Variants in FAM222B observed in about 807,000 individuals in gnomAD.
FAM222B encodes family with sequence similarity 222 member B.
In FAM222B, 12 loss-of-function variants were observed where a neutral mutation model predicts 38.0. The ratio of observed to expected loss-of-function variants is 0.32; its 90% CI spans 0.20 to 0.51. FAM222B has a LOEUF of 0.51. Ranked by LOEUF, FAM222B falls within the 20% of genes least tolerant of loss-of-function variation. The pLI is 0.97. For missense variants in FAM222B, 716 were observed against 754.2 expected (o/e 0.95, Z 0.59); for synonymous variants, 329 against 317.2 (o/e 1.04, Z -0.40).
Position 28,757,294 on chromosome 17 carries a change from C to T in FAM222B, c.*976G>A, listed in dbSNP as rs1258535415. 7.9e-5 allele frequency: 12 copies of T among 152,566 alleles called. No individual in the cohort carries two copies. Among genetic ancestry groups the T allele is most frequent in the African/African-American group, 2.9e-4 (12 of 41,416 alleles). The allele number at this position is 152,566 out of a possible 1,614,324, so 9.5% of individuals were successfully genotyped here. ...TCACACACAATGCTACTCAAACCCA[C>T]ACTACATTCATACAGAAACGTAACG... On this transcript the variant is annotated 3_prime_UTR_variant, in exon 3 of 3. Coordinates refer to ENST00000581407, the MANE Select transcript of FAM222B (RefSeq NM_001077498.3).
At chr17:28,805,173 C>T (rs1204801221) in intron 1 of FAM222B, among the ~76,000 whole-genome samples, 2 of 152,090 alleles carry the variant, frequency 1.3e-5, no homozygotes, top group Non-Finnish European at 2.9e-5. Flanking sequence ...ACCTGGACAA[C>T]ATAGGGAGAC....
intron 1 of FAM222B, among the ~76,000 whole-genome samples, chr17:28,802,106 T>C (rs2037261867): frequency 7.2e-6 from 1 of 138,890 alleles, no homozygotes. Context: ...CTTTTTTTTC[T>C]GAGAAAGAGT....
At chr17:28,776,452 C>CTT (rs397857136) in intron 1 of FAM222B, among the ~76,000 whole-genome samples, 1,277 of 90,958 alleles carry the variant, frequency 0.014, 19 homozygotes, top group African/African-American at 0.019. Context: ...CCTAAAAAGA[C>CTT]TTTTTTTTTT....
chr17:28,832,249 G>T (rs974890778), intron 1 of FAM222B, among the ~76,000 whole-genome samples: 1 of 151,974 alleles, frequency 6.6e-6, no homozygotes, highest in Non-Finnish European at 1.5e-5. Flanking sequence ...GTATTAGGAG[G>T]ATTAGAAATC....
intron 1 of FAM222B, among the ~76,000 whole-genome samples, chr17:28,778,662 C>A (rs11656167): frequency 0.46 from 54,452 of 118,258 alleles, 14,575 homozygotes; most frequent in East Asian, 0.64. Context: ...TGTCATCATG[C>A]CTAGCTAATT....
intron 1 of FAM222B, among the ~76,000 whole-genome samples, chr17:28,800,628 T>C (rs1378766049): frequency 6.6e-6 from 1 of 152,170 alleles, no homozygotes; most frequent in Non-Finnish European, 1.5e-5. Context: ...CCAGGGACTA[T>C]GGAAATAGTC....
chr17:28,821,509 A>T (rs910982611), intron 1 of FAM222B, among the ~76,000 whole-genome samples: 4 of 152,218 alleles, frequency 2.6e-5, no homozygotes, highest in Non-Finnish European at 4.4e-5. Context: ...TTGACAGCTG[A>T]GAAAACTGAT....
At chr17:28,811,695 G>C (rs768584902) in intron 1 of FAM222B, among the ~76,000 whole-genome samples, 4 of 152,230 alleles carry the variant, frequency 2.6e-5, no homozygotes, top group Non-Finnish European at 5.9e-5. Flanking sequence ...ACTCCAGGAA[G>C]AGACTTTAGC....
chr17:28,768,009 C>T (rs187157219), intron 1 of FAM222B, among the ~76,000 whole-genome samples: 192 of 152,244 alleles, frequency 1.3e-3, no homozygotes, highest in Non-Finnish European at 2.0e-3. Flanking sequence ...CAAGACCGCA[C>T]GAGTTTCATT....
intron 1 of FAM222B, among the ~76,000 whole-genome samples, chr17:28,828,688 C>G (rs1033499856): frequency 6.6e-6 from 1 of 151,924 alleles, no homozygotes; most frequent in African/African-American, 2.4e-5. Context: ...GAAAATTAAG[C>G]TAAAAATTCA....
At chr17:28,765,063 G>T (rs1367830504) in intron 2 of FAM222B, among the ~76,000 whole-genome samples, 1 of 152,180 alleles carries the variant, frequency 6.6e-6, no homozygotes, top group African/African-American at 2.4e-5. Flanking sequence ...ATAAAGGATG[G>T]GTTGAGAAAG....
Position 28,799,283 on chromosome 17 carries a change from G to T in FAM222B, c.-40-32576C>A, listed in dbSNP as rs1161574615. ...CCACCGCGACTGGCCTCTTGTTTTT[G>T]TAACACAGAAAAACTTTTTTTTTTT... On this transcript the variant is annotated intron_variant, in intron 1 of 2. Coordinates refer to ENST00000581407, the MANE Select transcript of FAM222B (RefSeq NM_001077498.3). Among the ~76,000 whole-genome samples the T allele has an allele frequency of 6.1e-5, 8 of 130,558 alleles. No homozygotes were observed. The South Asian group carries it at 1.3e-3, about 21-fold the overall frequency. 85.7% of individuals were successfully genotyped at this position (130,558 alleles called of 152,430 possible).
At position 28,784,626 on chromosome 17, in the gene FAM222B, C is replaced by T. The variant is rs535511000; in HGVS notation, c.-40-17919G>A. On this transcript the variant is annotated intron_variant, in intron 1 of 2. Transcript: ENST00000581407. ...GGCTGAGGTGGGCGGATCAGGAGAT[C>T]GAGACCATCCTGGCTAACACAATGA... Among the ~76,000 whole-genome samples the T allele has an allele frequency of 8.7e-5, 13 of 149,620 alleles. No homozygotes were observed. The East Asian group carries it at 2.4e-3, about 28-fold the overall frequency.
chr17:28,802,216 G>T (rs1344834438), intron 1 of FAM222B, among the ~76,000 whole-genome samples: 1 of 151,864 alleles, frequency 6.6e-6, no homozygotes, highest in Non-Finnish European at 1.5e-5. Context: ...TCCTGCTTCA[G>T]CCTCCCGAGT....
At chr17:28,831,504 C>CT (rs35692613) in intron 1 of FAM222B, among the ~76,000 whole-genome samples, 19,410 of 110,826 alleles carry the variant, frequency 0.18, 2,276 homozygotes, top group South Asian at 0.27. Context: ...TTGTCAAAGG[C>CT]TTTTTTTTTT....
intron 1 of FAM222B, chr17:28,834,620 A>G (rs893715002): frequency 2.0e-5 from 3 of 152,074 alleles, no homozygotes; most frequent in Admixed American, 2.0e-4. Flanking sequence ...CTCCCACTAC[A>G]AGGCAGAACT....
chr17:28,758,985 T>C lies in FAM222B; in HGVS notation c.974A>G (p.Asn325Ser), dbSNP rs1429836886. Reference protein sequence around the residue: ...VPTPMPSCVVNPMEHTHAATA... With the variant: ...VPTPMPSCVVSPMEHTHAATA... ...GGCCGCGTGGGTGTGCTCCATGGGA[T>C]TGACCACACATGAAGGCATTGGTGT... Residue 325 changes from asparagine to serine, a missense_variant, in exon 3 of 3, where the codon AAT (asparagine) becomes AGT (serine). Asn to Ser is a conservative substitution (Grantham distance 46, BLOSUM62 1). Transcript: ENST00000581407. 1.2e-5 allele frequency: 19 copies of C among 1,612,362 alleles called. No homozygotes were observed. Among genetic ancestry groups the C allele is most frequent in the Non-Finnish European group, 1.5e-5 (18 of 1,179,300 alleles).
chr17:28,799,551 C>T (rs886304049), intron 1 of FAM222B, among the ~76,000 whole-genome samples: 5 of 151,890 alleles, frequency 3.3e-5, no homozygotes, highest in African/African-American at 7.3e-5. Flanking sequence ...CCTCGTGATC[C>T]GCCCACCTCG....
chr17:28,854,938 G>T, intron 1 of FAM222B: 3 of 1,386,336 alleles, frequency 2.2e-6, no homozygotes, highest in Non-Finnish European at 2.9e-6. Context: ...CTTTCAATTT[G>T]GGCAGACCTA....
Sources: gnomAD v4.1 joint callset for allele counts (sites outside exome capture counted in the v4.1 genomes callset) on GRCh38, gnomAD v4.1.1 for gene constraint, MANE v1.5 for transcripts, NCBI Gene and HGNC (gene_info 2026-07-23, HGNC 2026-07-21) for gene names.